Variants in PPP2R2B observed in about 807,000 individuals in gnomAD.
PPP2R2B encodes serine/threonine-protein phosphatase 2A 55 kDa regulatory subunit B beta isoform.
Under a neutral mutation model 46.0 loss-of-function variants are expected in PPP2R2B, and 5 were observed. The observed-to-expected ratio is 0.11, with a 90% confidence interval of 0.06 to 0.23. The LOEUF (loss-of-function observed/expected upper bound fraction) is 0.23. PPP2R2B is among the 10% of genes least tolerant of loss of function. The pLI is 1.00. For synonymous variants in PPP2R2B, 215 were observed against 206.7 expected (o/e 1.04, Z -0.34); for missense variants, 367 against 575.0 (o/e 0.64, Z 3.70).
chr5:146,801,875 G>A (rs1186416341), intron 2 of PPP2R2B, among the ~76,000 whole-genome samples: 1 of 152,156 alleles, frequency 6.6e-6, no homozygotes, highest in Non-Finnish European at 1.5e-5. Context: ...CCAGAGCTAA[G>A]CCCAAATTCG....
chr5:146,988,607 C>T (rs1167392423), intron 1 of PPP2R2B, among the ~76,000 whole-genome samples: 1 of 151,830 alleles, frequency 6.6e-6, no homozygotes, highest in East Asian at 1.9e-4. Context: ...CTATGGGATA[C>T]AGTAAAAACA....
At position 146,691,128 on chromosome 5, in the gene PPP2R2B, C is replaced by G. The variant is rs1217144679; in HGVS notation, c.447G>C (p.Arg149=). 3.7e-6 allele frequency: 6 copies of G among 1,613,606 alleles called. No homozygotes were observed. Among genetic ancestry groups the G allele is most frequent in the Non-Finnish European group, 5.1e-6 (6 of 1,179,852 alleles). ...GGCCAGGGCAGCTGTTTGCACTCACCCGCAGGGTTGTGATGGTGGCAGGAT... is the reference window on the plus strand; with the variant it reads ...GGCCAGGGCAGCTGTTTGCACTCACGCGCAGGGTTGTGATGGTGGCAGGAT... ...LRDPATITTL[R]VPVLRPMDLM... is the part of the protein sequence containing the mutation. The change falls in exon 5 of 10, where the codon CGG becomes CGC. Residue 149 remains arginine, a splice_region_variant and synonymous_variant. Transcript: ENST00000394411.
At chr5:146,710,381 C>A (rs1780151544) in intron 2 of PPP2R2B, among the ~76,000 whole-genome samples, 2 of 152,224 alleles carry the variant, frequency 1.3e-5, no homozygotes, top group African/African-American at 4.8e-5. Context: ...AAATCTCCAA[C>A]ACTAAACAGG....
intron 2 of PPP2R2B, among the ~76,000 whole-genome samples, chr5:146,816,930 C>T (rs1376852098): frequency 6.6e-6 from 1 of 152,172 alleles, no homozygotes; most frequent in African/African-American, 2.4e-5. Flanking sequence ...TTAAACTAGA[C>T]AGATTTCTAT....
intron 1 of PPP2R2B, among the ~76,000 whole-genome samples, chr5:146,981,897 C>A (rs568288944): frequency 8.5e-5 from 13 of 152,166 alleles, no homozygotes; most frequent in Admixed American, 7.2e-4. Context: ...TGACTCATAA[C>A]CTCTGTAGCA....
chr5:147,032,200 GA>G (rs1488864283), intron 1 of PPP2R2B, among the ~76,000 whole-genome samples: 38 of 151,944 alleles, frequency 2.5e-4, no homozygotes, highest in Admixed American at 8.5e-4. Flanking sequence ...AAATCAGTAA[GA>G]AAAAAACAAA....
chr5:147,069,569 G>A (rs1412432424), intron 2 of PPP2R2B, among the ~76,000 whole-genome samples: 1 of 151,900 alleles, frequency 6.6e-6, no homozygotes, highest in Non-Finnish European at 1.5e-5. Flanking sequence ...CTTCCTTCTG[G>A]CCATGCCTGG....
At chr5:147,022,536 G>T (rs189452466) in intron 1 of PPP2R2B, among the ~76,000 whole-genome samples, 126 of 149,948 alleles carry the variant, frequency 8.4e-4, no homozygotes, top group Non-Finnish European at 1.6e-3. Flanking sequence ...CTCCAGCCTG[G>T]TGACAGAGCA....
At chr5:146,983,402 G>A (rs549055074) in intron 1 of PPP2R2B, among the ~76,000 whole-genome samples, 7 of 152,138 alleles carry the variant, frequency 4.6e-5, no homozygotes, top group South Asian at 4.1e-4. Flanking sequence ...GGATGGTCTT[G>A]ATCTCCTGAC....
At chr5:146,783,724 T>C (rs1003620179) in intron 2 of PPP2R2B, among the ~76,000 whole-genome samples, 72 of 152,336 alleles carry the variant, frequency 4.7e-4, no homozygotes, top group African/African-American at 1.7e-3. Context: ...TGTAAGTCTC[T>C]GGCAGATGTT....
Position 146,815,376 on chromosome 5 carries a change from G to A in PPP2R2B, c.70+62626C>T, listed in dbSNP as rs527967361. Among the ~76,000 whole-genome samples, 8 of 152,364 alleles carry A rather than the reference G, an allele frequency of 5.3e-5. No homozygotes were observed. In the South Asian group the frequency reaches 1.4e-3, roughly 28 times the overall value. ...CACTTTCATTGTATGCTTATTGAGAGCAGAGAGGCCATCTGTCAGGTTAAT... is the reference window on the plus strand; with the variant it reads ...CACTTTCATTGTATGCTTATTGAGAACAGAGAGGCCATCTGTCAGGTTAAT... On this transcript the variant is annotated intron_variant, in intron 2 of 9. Coordinates refer to ENST00000394411, the MANE Select transcript of PPP2R2B (RefSeq NM_181675.4).
At chr5:147,024,153 C>CTA in intron 1 of PPP2R2B, among the ~76,000 whole-genome samples, 1 of 145,542 alleles carries the variant, frequency 6.9e-6, no homozygotes, top group Non-Finnish European at 1.5e-5. Flanking sequence ...AAATCCCCTC[C>CTA]TCTATCTATC....
At position 146,908,525 on chromosome 5, in the gene PPP2R2B, A is replaced by ATTT. The variant is rs60166631; in HGVS notation, c.79+147137_79+147139dup. On this transcript the variant is annotated intron_variant, in intron 1 of 8. Transcript: ENST00000336640. The stretch of plus-strand genomic sequence containing the variant: ...AGCTACGTAATAAAGAAATTGTTAG[A>ATTT]TTTTTTTTTTTTTTTGGCATAGGGG... Among the ~76,000 whole-genome samples the ATTT allele has an allele frequency of 9.0e-3, 1,284 of 143,110 alleles. 31 individuals are homozygous for ATTT. The highest frequency in any genetic ancestry group is 0.065 in the East Asian group (319 of 4,884). The allele number at this position is 143,110 out of a possible 152,430, so 93.9% of individuals were successfully genotyped here.
intron 1 of PPP2R2B, among the ~76,000 whole-genome samples, chr5:147,011,812 C>G (rs1439782295): frequency 3.1e-4 from 40 of 130,312 alleles, no homozygotes; most frequent in Non-Finnish European, 4.1e-4. Context: ...TGTCAAAGGC[C>G]TTTTCTGCAT....
intron 1 of PPP2R2B, among the ~76,000 whole-genome samples, chr5:147,027,126 A>G (rs948619815): frequency 3.3e-5 from 5 of 152,214 alleles, no homozygotes; most frequent in Non-Finnish European, 5.9e-5. Context: ...ACTGACATGC[A>G]ATAACATGGA....
At chr5:146,846,710 A>C (rs1561954821) in intron 2 of PPP2R2B, among the ~76,000 whole-genome samples, 1 of 151,798 alleles carries the variant, frequency 6.6e-6, no homozygotes, top group African/African-American at 2.4e-5. Flanking sequence ...TGTATTCTTT[A>C]TTTTTTTTAA....
chr5:147,064,700 T>TTTG (rs1454656475), intron 2 of PPP2R2B, among the ~76,000 whole-genome samples: 8 of 152,256 alleles, frequency 5.3e-5, no homozygotes, highest in Admixed American at 6.5e-5. Flanking sequence ...ACAATATTTG[T>TTTG]AAATGTGTTT....
intron 2 of PPP2R2B, among the ~76,000 whole-genome samples, chr5:146,769,404 C>A (rs763756038): frequency 1.3e-5 from 2 of 152,142 alleles, no homozygotes; most frequent in African/African-American, 2.4e-5. Flanking sequence ...CTAAAGTTTG[C>A]GCAGTTCTAT....
At chr5:146,896,650 A>G (rs965764670) in intron 1 of PPP2R2B, among the ~76,000 whole-genome samples, 6 of 151,426 alleles carry the variant, frequency 4.0e-5, no homozygotes, top group African/African-American at 1.2e-4. Context: ...ACCCGTAGAC[A>G]TTTTGTTGTT....
Sources: gnomAD v4.1 joint callset for allele counts (sites outside exome capture counted in the v4.1 genomes callset) on GRCh38, gnomAD v4.1.1 for gene constraint, MANE v1.5 for transcripts, NCBI Gene and HGNC (gene_info 2026-07-23, HGNC 2026-07-21) for gene names.